NR3C2: variants seen among roughly 807,000 people sequenced by gnomAD.
The protein encoded by NR3C2 is nuclear receptor subfamily 3 group C member 2.
A neutral mutation model predicts 86.4 loss-of-function variants in NR3C2; 15 were observed. The observed-to-expected ratio is 0.17, with a 90% confidence interval of 0.12 to 0.27. NR3C2 has a LOEUF of 0.27. Ranked by LOEUF, NR3C2 falls within the 10% of genes least tolerant of loss-of-function variation. The probability of loss-of-function intolerance (pLI) is 1.00; values close to 1 mark genes in which losing one functional copy is unlikely to be tolerated. For synonymous variants in NR3C2, 458 were observed against 450.5 expected, an observed-to-expected ratio of 1.02 and a Z score of -0.21; for missense variants, 960 against 1,195.6, an observed-to-expected ratio of 0.80 and a Z score of 2.91.
chr4:148,402,287 T>C (rs1748209732), intron 2 of NR3C2, among the ~76,000 whole-genome samples: 1 of 152,104 alleles, frequency 6.6e-6, no homozygotes, highest in South Asian at 2.1e-4. Flanking sequence ...AAACTGGAAG[T>C]AGGGGAAGGA....
chr4:148,157,045 T>C (rs972940507), intron 4 of NR3C2, among the ~76,000 whole-genome samples: 1 of 150,718 alleles, frequency 6.6e-6, no homozygotes, highest in African/African-American at 2.4e-5. Context: ...CTCAGTAAAC[T>C]ATCACAAGGA....
intron 2 of NR3C2, among the ~76,000 whole-genome samples, chr4:148,284,761 C>T (rs1221892447): frequency 6.6e-6 from 1 of 152,112 alleles, no homozygotes; most frequent in Non-Finnish European, 1.5e-5. Context: ...TGTAATTCTA[C>T]GCCACTGTCC....
At chr4:148,338,182 T>C (rs1366823706) in intron 2 of NR3C2, among the ~76,000 whole-genome samples, 1 of 152,192 alleles carries the variant, frequency 6.6e-6, no homozygotes, top group Non-Finnish European at 1.5e-5. Flanking sequence ...AAGCATCCCT[T>C]CATTACAAGG....
At chr4:148,110,997 C>T (rs933875956) in intron 8 of NR3C2, among the ~76,000 whole-genome samples, 1 of 152,126 alleles carries the variant, frequency 6.6e-6, no homozygotes, top group East Asian at 1.9e-4. Flanking sequence ...AACTGGACTT[C>T]GTTAAAATTA....
intron 8 of NR3C2, among the ~76,000 whole-genome samples, chr4:148,104,799 G>A (rs975457803): frequency 3.3e-5 from 5 of 152,108 alleles, no homozygotes; most frequent in Non-Finnish European, 7.4e-5. Context: ...TGAAGAAACC[G>A]AAAGCCAAAA....
At chr4:148,135,361 T>G (rs1733251430) in intron 6 of NR3C2, among the ~76,000 whole-genome samples, 2 of 152,084 alleles carry the variant, frequency 1.3e-5, no homozygotes, top group South Asian at 2.1e-4. Context: ...AGTTTGGCCC[T>G]TCTGTCCTTT....
intron 2 of NR3C2, among the ~76,000 whole-genome samples, chr4:148,347,824 T>C (rs112796345): frequency 3.9e-4 from 60 of 151,990 alleles, no homozygotes; most frequent in African/African-American, 1.3e-3. Flanking sequence ...ACTGCACCAC[T>C]GTAGCAGCGG....
At chr4:148,174,518 TCTGA>T (rs1465864244) in intron 4 of NR3C2, among the ~76,000 whole-genome samples, 6 of 152,182 alleles carry the variant, frequency 3.9e-5, no homozygotes, top group African/African-American at 1.4e-4. Flanking sequence ...GACATTTCTG[TCTGA>T]CTGTACTGAT....
intron 2 of NR3C2, among the ~76,000 whole-genome samples, chr4:148,373,247 A>G (rs1391718902): frequency 6.6e-6 from 1 of 152,148 alleles, no homozygotes; most frequent in African/African-American, 2.4e-5. Flanking sequence ...AAATCCTACC[A>G]ATTGTTTAAG....
At chr4:148,330,304 C>T (rs897683611) in intron 2 of NR3C2, among the ~76,000 whole-genome samples, 18 of 152,272 alleles carry the variant, frequency 1.2e-4, no homozygotes, top group African/African-American at 2.9e-4. Context: ...CAATTGACGA[C>T]GCCTCTGGCC....
intron 2 of NR3C2, among the ~76,000 whole-genome samples, chr4:148,325,724 G>A (rs1019958723): frequency 6.6e-6 from 1 of 152,182 alleles, no homozygotes. Flanking sequence ...GTAGCAAATG[G>A]TAAGTTTTTC....
chr4:148,318,800 T>C (rs1423481004), intron 2 of NR3C2, among the ~76,000 whole-genome samples: 1 of 152,154 alleles, frequency 6.6e-6, no homozygotes, highest in Admixed American at 6.5e-5. Context: ...GAGTAGGTTG[T>C]GAAAATTTTC....
At chr4:148,251,281 C>T (rs1335370415) in intron 3 of NR3C2, among the ~76,000 whole-genome samples, 1 of 152,110 alleles carries the variant, frequency 6.6e-6, no homozygotes, top group Non-Finnish European at 1.5e-5. Flanking sequence ...AATAGTCTTC[C>T]ATCACCTGCC....
At chr4:148,368,409 G>A (rs981220537) in intron 2 of NR3C2, 1 of 152,122 alleles carries the variant, frequency 6.6e-6, no homozygotes, top group Non-Finnish European at 1.5e-5. Flanking sequence ...CCTCTTCAAA[G>A]AAGAAAATCG....
intron 4 of NR3C2, among the ~76,000 whole-genome samples, chr4:148,189,731 G>C (rs1240909186): frequency 1.3e-5 from 2 of 152,098 alleles, no homozygotes; most frequent in Non-Finnish European, 2.9e-5. Flanking sequence ...TTATTGGTCT[G>C]CTCAAGGTAT....
intron 3 of NR3C2, among the ~76,000 whole-genome samples, chr4:148,255,967 A>T (rs538303525): frequency 6.6e-6 from 1 of 152,332 alleles, no homozygotes; most frequent in South Asian, 2.1e-4. Context: ...TCATTCAAAC[A>T]TTTATTTGGT....
intron 3 of NR3C2, among the ~76,000 whole-genome samples, chr4:148,257,435 T>G (rs937033616): frequency 2.0e-5 from 3 of 152,186 alleles, no homozygotes; most frequent in African/African-American, 7.2e-5. Context: ...AAGGCTATAT[T>G]ATGAGATTTA....
At chr4:148,333,112 A>G (rs1368374595) in intron 2 of NR3C2, among the ~76,000 whole-genome samples, 3 of 150,026 alleles carry the variant, frequency 2.0e-5, no homozygotes, top group African/African-American at 7.4e-5. Context: ...CTAAAAAAAG[A>G]AAAAAAAAAT....
intron 2 of NR3C2, among the ~76,000 whole-genome samples, chr4:148,418,126 G>A (rs191539763): frequency 2.6e-5 from 4 of 152,234 alleles, no homozygotes; most frequent in East Asian, 3.9e-4. Flanking sequence ...AGCCACTCTC[G>A]TTTACATTCT....
Sources: gnomAD v4.1 joint callset for allele counts (sites outside exome capture counted in the v4.1 genomes callset) on GRCh38, gnomAD v4.1.1 for gene constraint, MANE v1.5 for transcripts, NCBI Gene and HGNC (gene_info 2026-07-23, HGNC 2026-07-21) for gene names.